The following CDH13 variants were observed in gnomAD, a reference collection of about 807,000 sequenced individuals.
The protein encoded by CDH13 is cadherin 13.
Under a neutral mutation model 63.8 loss-of-function variants are expected in CDH13, and 24 were observed. The ratio of observed to expected loss-of-function variants is 0.38; its 90% CI spans 0.27 to 0.53. CDH13 has a LOEUF of 0.53. Among genes scored for constraint, CDH13 ranks in the 20% least tolerant of loss-of-function variants. The pLI is 0.85. For missense variants in CDH13, 1,049 were observed against 903.1 expected (o/e 1.16, Z -2.07); for synonymous variants, 503 against 355.3 (o/e 1.42, Z -4.67).
chr16:83,602,419 A>C, intron 7 of CDH13, 35 bp from the exon 8 acceptor site: 1 of 1,612,986 alleles, frequency 6.2e-7, no homozygotes, highest in African/African-American at 1.3e-5. Flanking sequence ...CCAAATCTAA[A>C]TGTCATATTA....
intron 1 of CDH13, among the ~76,000 whole-genome samples, chr16:82,640,039 G>C (rs1400825056): frequency 1.3e-5 from 2 of 152,240 alleles, no homozygotes; most frequent in African/African-American, 2.4e-5. Flanking sequence ...AGAAAGACAA[G>C]ATTGCCTGCC....
chr16:83,507,188 C>T (rs1394857801), intron 7 of CDH13, among the ~76,000 whole-genome samples: 2 of 152,188 alleles, frequency 1.3e-5, no homozygotes, highest in African/African-American at 4.8e-5. Flanking sequence ...TTCATTTTCT[C>T]ACACAGATTG....
At chr16:82,733,582 C>T (rs546268107) in intron 1 of CDH13, among the ~76,000 whole-genome samples, 1 of 152,202 alleles carries the variant, frequency 6.6e-6, no homozygotes, top group South Asian at 2.1e-4. Context: ...ATGAGACATT[C>T]AACATTCCAT....
intron 4 of CDH13, among the ~76,000 whole-genome samples, chr16:83,134,827 A>G (rs946991714): frequency 3.9e-5 from 6 of 152,206 alleles, no homozygotes; most frequent in Non-Finnish European, 5.9e-5. Flanking sequence ...TGCCAAATAC[A>G]TATATATGCA....
intron 1 of CDH13, among the ~76,000 whole-genome samples, chr16:82,713,751 C>T (rs762144188): frequency 6.9e-6 from 1 of 144,612 alleles, no homozygotes. Context: ...AGGTCTCTGA[C>T]TAATTCTATG....
intron 4 of CDH13, among the ~76,000 whole-genome samples, chr16:83,169,279 C>T (rs111769262): frequency 0.046 from 7,047 of 151,790 alleles, 537 homozygotes; most frequent in African/African-American, 0.16. Context: ...TGGGTTCAAG[C>T]GATTCTCCTG....
At chr16:83,194,103 C>T (rs950191057) in intron 4 of CDH13, among the ~76,000 whole-genome samples, 6 of 152,182 alleles carry the variant, frequency 3.9e-5, no homozygotes, top group Admixed American at 1.3e-4. Flanking sequence ...AAGGACAGCT[C>T]GTTCCAACCT....
In CDH13 at chr16:82,853,159, TACA is replaced by T. The variant is rs1597803780; in HGVS notation, c.46-5202_46-5200del. On this transcript the variant is annotated intron_variant, in intron 1 of 13. Transcript: ENST00000567109. ...CTACTTTAAAGGATGCTTGGTGTCCTACAGAGGTAACACAACTCAATCATATCA... is the reference window on the plus strand; with the variant it reads ...CTACTTTAAAGGATGCTTGGTGTCCTGAGGTAACACAACTCAATCATATCA... Among the ~76,000 whole-genome samples, 7 of 152,314 alleles carry T rather than the reference TACA, an allele frequency of 4.6e-5. No homozygotes were observed. The East Asian group carries it at 1.2e-3, about 25-fold the overall frequency.
rs573272791 is a variant in CDH13, at chr16:82,836,054, T to C, written c.46-22308T>C. 2.6e-5 allele frequency among the ~76,000 whole-genome samples: 4 copies of C among 152,326 alleles called. No individual in the cohort carries two copies. The South Asian group carries it at 8.3e-4, about 32-fold the overall frequency. ...GAATGTCTGAAATGCATTCTTCCCATATGGCTTTTCAGGGCCCTAAGTGTG... is the reference window on the plus strand; with the variant it reads ...GAATGTCTGAAATGCATTCTTCCCACATGGCTTTTCAGGGCCCTAAGTGTG... On this transcript the variant is annotated intron_variant, in intron 1 of 13. Transcript: ENST00000567109.
At chr16:82,960,422 C>T (rs540843694) in intron 2 of CDH13, among the ~76,000 whole-genome samples, 1 of 152,004 alleles carries the variant, frequency 6.6e-6, no homozygotes, top group Non-Finnish European at 1.5e-5. Flanking sequence ...CTGTTAAATT[C>T]TACAGTGGAA....
At chr16:82,707,340 C>T (rs2031573938) in intron 1 of CDH13, among the ~76,000 whole-genome samples, 2 of 152,136 alleles carry the variant, frequency 1.3e-5, no homozygotes, top group Admixed American at 1.3e-4. Flanking sequence ...TAGGGGTAGA[C>T]ATGATCTTAC....
rs1456950321 is a variant in CDH13, at chr16:82,644,349, C to G, written c.45+17212C>G. On this transcript the variant is annotated intron_variant, in intron 1 of 13. Transcript: ENST00000567109. The surrounding 1 kb of genome is among the most constrained non-coding windows in gnomAD (Gnocchi z 5.7). ...TCCCACCCCTGCCTTCTGCGTCTCC[C>G]TCTGTGCTCTCCATCACCCCCCTAC... Among the ~76,000 whole-genome samples the G allele has an allele frequency of 6.6e-6, 1 of 152,156 alleles. No homozygotes were observed. Among genetic ancestry groups the G allele is most frequent in the African/African-American group, 2.4e-5 (1 of 41,436 alleles).
intron 6 of CDH13, among the ~76,000 whole-genome samples, chr16:83,475,027 G>A (rs1207395221): frequency 6.6e-6 from 1 of 152,264 alleles, no homozygotes; most frequent in Non-Finnish European, 1.5e-5. Context: ...GTGTTTCCCA[G>A]GCCTTCCGCC....
intron 11 of CDH13, among the ~76,000 whole-genome samples, chr16:83,748,811 A>C (rs1475845588): frequency 6.6e-6 from 1 of 152,210 alleles, no homozygotes; most frequent in Non-Finnish European, 1.5e-5. Flanking sequence ...GTAAACAAAA[A>C]GAAAGCTGTC....
intron 8 of CDH13, among the ~76,000 whole-genome samples, chr16:83,612,548 A>T (rs992306521): frequency 6.6e-6 from 1 of 152,064 alleles, no homozygotes; most frequent in African/African-American, 2.4e-5. Flanking sequence ...CTACCAGTCT[A>T]AGTATTTGTT....
chr16:83,451,161 C>G (rs568414380), intron 6 of CDH13, among the ~76,000 whole-genome samples: 2 of 152,134 alleles, frequency 1.3e-5, no homozygotes, highest in African/African-American at 4.8e-5. Context: ...TCTGTTCTCA[C>G]GCTGCTAATA....
intron 10 of CDH13, among the ~76,000 whole-genome samples, chr16:83,745,701 C>G (rs540888338): frequency 4.1e-4 from 63 of 152,258 alleles, no homozygotes; most frequent in African/African-American, 1.5e-3. Context: ...GGTAACAATC[C>G]CATTGCAGCC....
chr16:83,582,648 TC>T (rs1401940982), intron 7 of CDH13, among the ~76,000 whole-genome samples: 1 of 152,064 alleles, frequency 6.6e-6, no homozygotes, highest in African/African-American at 2.4e-5. Flanking sequence ...GACATTCACT[TC>T]CCAGCCGTGG....
At chr16:83,713,892 G>A (rs1206304675) in intron 10 of CDH13, among the ~76,000 whole-genome samples, 1 of 152,168 alleles carries the variant, frequency 6.6e-6, no homozygotes, top group Non-Finnish European at 1.5e-5. Flanking sequence ...TACTCTCAAA[G>A]AGGCTTTGGT....
Sources: allele counts gnomAD v4.1 joint callset (sites outside exome capture counted in the v4.1 genomes callset), GRCh38; gene constraint gnomAD v4.1.1; non-coding constraint Gnocchi (gnomAD v3.1); transcripts MANE v1.5; gene names NCBI Gene and HGNC (gene_info 2026-07-23, HGNC 2026-07-21).